Variants in HERC2 observed in about 807,000 individuals in gnomAD.
The protein encoded by HERC2 is E3 ubiquitin-protein ligase HERC2.
Under a neutral mutation model 537.7 loss-of-function variants are expected in HERC2, and 102 were observed. That is an observed-to-expected ratio of 0.19 (90% CI 0.16 to 0.22). The LOEUF (loss-of-function observed/expected upper bound fraction) is 0.22. Ranked by LOEUF, HERC2 falls within the 10% of genes least tolerant of loss-of-function variation. HERC2 has a pLI of 1.00. For missense variants in HERC2, 4,236 were observed against 6,198.2 expected (o/e 0.68, Z 10.63); for synonymous variants, 2,224 against 2,466.2 (o/e 0.90, Z 2.91).
At chr15:28,116,971 CTGCCGGG>C in intron 87 of HERC2, 35 bp downstream of exon 87, 1 of 1,613,552 alleles carries the variant, frequency 6.2e-7, no homozygotes, top group Non-Finnish European at 8.5e-7. Context: ...CAGGCGACCA[CTGCCGGG>C]GACACAGGTG....
chr15:28,237,156 A>C, intron 25 of HERC2, 43 bp from the exon 26 acceptor site: 3 of 1,514,246 alleles, frequency 2.0e-6, no homozygotes, highest in Non-Finnish European at 1.8e-6. Flanking sequence ...AAACAGAATT[A>C]ATTAAAAACA....
Position 28,301,733 on chromosome 15 carries a change from G to GTA in HERC2, c.73-2218_73-2217insTA, listed in dbSNP as rs200259885. ...GTGGATACACACTAGTTGTATGTATGTGTATATATATATATATATATATAT... is the reference window on the plus strand; with the variant it reads ...GTGGATACACACTAGTTGTATGTATGTATGTATATATATATATATATATATAT... On this transcript the variant is annotated intron_variant, in intron 2 of 92. Transcript: ENST00000261609. Among the ~76,000 whole-genome samples, 193 of 30,866 alleles carry GTA rather than the reference G, an allele frequency of 6.3e-3. 3 individuals carry two copies. The highest frequency in any genetic ancestry group is 0.042 in the East Asian group (39 of 930). The allele number at this position is 30,866 out of a possible 152,430, so 20.2% of individuals were successfully genotyped here. A position where few individuals can be genotyped will look rare whatever the true frequency, so the allele number is the denominator to read the frequency against.
chr15:28,222,973 C>T (rs1437174733), intron 35 of HERC2, among the ~76,000 whole-genome samples: 3 of 152,042 alleles, frequency 2.0e-5, no homozygotes, highest in Non-Finnish European at 4.4e-5. Flanking sequence ...TGGACTTTAC[C>T]CATGTCCTTT....
rs148221386 is a variant in HERC2, at chr15:28,255,387, T to C, written c.2871+485A>G. On this transcript the variant is annotated intron_variant, in intron 19 of 92. Coordinates refer to ENST00000261609, the MANE Select transcript of HERC2 (RefSeq NM_004667.6). ...AATTAAACGTCCTTCAATAGGAGAA[T>C]GAACAAACAGTACTACACCTATAAA... 4.9e-3 allele frequency among the ~76,000 whole-genome samples: 753 copies of C among 152,152 alleles called. 7 individuals are homozygous for C. Among genetic ancestry groups the C allele is most frequent in the African/African-American group, 0.017 (710 of 41,516 alleles).
chr15:28,193,013 C>T (rs1257447927), intron 52 of HERC2, among the ~76,000 whole-genome samples: 1 of 152,076 alleles, frequency 6.6e-6, no homozygotes, highest in African/African-American at 2.4e-5. Context: ...CAGATAGTCA[C>T]TAACCTTTAC....
At chr15:28,173,750 C>T (rs140740119) in intron 65 of HERC2, among the ~76,000 whole-genome samples, 1,719 of 147,666 alleles carry the variant, frequency 0.012, 36 homozygotes, top group African/African-American at 0.041. Flanking sequence ...CTGCAGTGAG[C>T]CAAAATCGTG....
chr15:28,189,518 T>C (rs953509770), intron 55 of HERC2, among the ~76,000 whole-genome samples: 2 of 152,244 alleles, frequency 1.3e-5, no homozygotes, highest in African/African-American at 4.8e-5. Context: ...CTTTCATTTT[T>C]ATAGTTTGCC....
At chr15:28,301,509 G>A (rs1327355082) in intron 2 of HERC2, among the ~76,000 whole-genome samples, 6 of 150,322 alleles carry the variant, frequency 4.0e-5, no homozygotes, top group African/African-American at 9.8e-5. Flanking sequence ...AATCAAAAAC[G>A]CCTTTGCTTG....
intron 85 of HERC2, among the ~76,000 whole-genome samples, chr15:28,121,714 C>A (rs1888909856): frequency 6.6e-6 from 1 of 152,194 alleles, no homozygotes; most frequent in Non-Finnish European, 1.5e-5. Context: ...GAGCCCAGCA[C>A]ACACAGGGCA....
chr15:28,194,300 C>T (rs1312651765), intron 52 of HERC2, among the ~76,000 whole-genome samples: 5 of 145,590 alleles, frequency 3.4e-5, no homozygotes, highest in Middle Eastern at 3.6e-3. Context: ...CTCCTGACCT[C>T]GTGATCCACC....
chr15:28,192,609 T>C (rs555235385), intron 52 of HERC2, among the ~76,000 whole-genome samples: 1 of 152,094 alleles, frequency 6.6e-6, no homozygotes, highest in African/African-American at 2.4e-5. Context: ...ATAAATAAAT[T>C]CTCTTCGAAC....
chr15:28,224,219 C>A (rs1338665951), intron 35 of HERC2, among the ~76,000 whole-genome samples: 1 of 150,558 alleles, frequency 6.6e-6, no homozygotes. Context: ...AAAGATTCCC[C>A]CCACCCCCAA....
intron 56 of HERC2, among the ~76,000 whole-genome samples, chr15:28,185,513 C>T (rs559686709): frequency 6.6e-6 from 1 of 152,364 alleles, no homozygotes; most frequent in South Asian, 2.1e-4. Flanking sequence ...CACTGATTAT[C>T]CTCCATTGTT....
intron 30 of HERC2, among the ~76,000 whole-genome samples, chr15:28,232,385 C>T (rs576926755): frequency 3.9e-5 from 6 of 151,976 alleles, no homozygotes; most frequent in Non-Finnish European, 5.9e-5. Flanking sequence ...TACTAAAATA[C>T]AAAAATTAGC....
chr15:28,261,866 A>G (rs1459614776), intron 15 of HERC2, among the ~76,000 whole-genome samples: 2 of 152,200 alleles, frequency 1.3e-5, no homozygotes, highest in Non-Finnish European at 2.9e-5. Context: ...AGTCTCACTT[A>G]AAAGTCCCAC....
chr15:28,308,772 T>C (rs1190092911), intron 2 of HERC2, among the ~76,000 whole-genome samples: 9 of 152,252 alleles, frequency 5.9e-5, no homozygotes, highest in African/African-American at 2.2e-4. Context: ...TGTTGAATTT[T>C]ATCAAATGCC....
Position 28,238,222 on chromosome 15 carries a change from A to T in HERC2, c.3749-5T>A, listed in dbSNP as rs1186671600. 3.2e-6 allele frequency: 5 copies of T among 1,558,814 alleles called. No individual in the cohort carries two copies. The highest frequency in any genetic ancestry group is 4.4e-6 in the Non-Finnish European group (5 of 1,131,424). The stretch of plus-strand genomic sequence containing the variant: ...GGTCTTCCCCTGCAAACTGAGCTGA[A>T]ACAAAAAGGGAAAAAGCAACATGAG... On this transcript the variant is annotated splice_region_variant and splice_polypyrimidine_tract_variant and intron_variant, in intron 24 of 92. Coordinates refer to ENST00000261609, the MANE Select transcript of HERC2 (RefSeq NM_004667.6).
At chr15:28,132,054 T>C (rs759177870) in intron 81 of HERC2, 46 bp downstream of exon 81, 2 of 1,432,820 alleles carry the variant, frequency 1.4e-6, no homozygotes, top group East Asian at 5.1e-5. Context: ...GGGGCCCGAC[T>C]GCGGTGAGCT....
At chr15:28,179,253 A>G (rs1302962302) in intron 57 of HERC2, 30 bp from the exon 58 acceptor site, 4 of 1,508,210 alleles carry the variant, frequency 2.7e-6, no homozygotes, top group Non-Finnish European at 3.6e-6. Context: ...ACAAAAAAAA[A>G]AGAAAAGAAA....
Sources: allele counts gnomAD v4.1 joint callset (sites outside exome capture counted in the v4.1 genomes callset), GRCh38; gene constraint gnomAD v4.1.1; transcripts MANE v1.5; gene names NCBI Gene and HGNC (gene_info 2026-07-23, HGNC 2026-07-21).